The following CASD1 variants were observed in gnomAD, a reference collection of about 807,000 sequenced individuals.
CASD1 encodes CAS1 domain sialic acid O acetyltransferase 1.
Under a neutral mutation model 100.0 loss-of-function variants are expected in CASD1, and 41 were observed. That is an observed-to-expected ratio of 0.41 (90% confidence interval 0.32 to 0.53). The LOEUF (loss-of-function observed/expected upper bound fraction) is 0.53, where lower values mean the gene tolerates loss of function less well. Among genes scored for constraint, CASD1 ranks in the 20% least tolerant of loss-of-function variants. The pLI is 0.25. For synonymous variants in CASD1, 321 were observed against 315.6 expected (o/e 1.02, Z -0.18); for missense variants, 774 against 948.7 (o/e 0.82, Z 2.42).
intron 1 of CASD1, among the ~76,000 whole-genome samples, chr7:94,515,984 GA>G (rs947169934): frequency 6.6e-6 from 1 of 151,982 alleles, no homozygotes; most frequent in Non-Finnish European, 1.5e-5. Flanking sequence ...GCTATTTGTA[GA>G]AAAATAACTT....
chr7:94,547,206 T>C (rs1795722937), intron 13 of CASD1, 31 bp downstream of exon 13: 2 of 1,459,418 alleles, frequency 1.4e-6, no homozygotes, highest in East Asian at 4.6e-5. Flanking sequence ...TTATATTTTT[T>C]CATATTTTAT....
chr7:94,561,572 C>T (rs1796340346), downstream of CASD1, among the ~76,000 whole-genome samples: 1 of 151,988 alleles, frequency 6.6e-6, no homozygotes, highest in Non-Finnish European at 1.5e-5. Flanking sequence ...CCTAAATGGC[C>T]CATCTGTCTG....
At chr7:94,564,579 G>A in the CASD1 span, among the ~76,000 whole-genome samples, 17,278 of 152,138 alleles carry the variant, frequency 0.11, 1,238 homozygotes, top group South Asian at 0.25. Flanking sequence ...ATACATTCAG[G>A]AAATGACTGC....
the CASD1 span, among the ~76,000 whole-genome samples, chr7:94,601,958 A>C: frequency 3.9e-5 from 6 of 152,152 alleles, no homozygotes; most frequent in Non-Finnish European, 7.3e-5. Context: ...GCATAAAAAT[A>C]AATACATGTA....
chr7:94,623,574 G>A, the CASD1 span: 1 of 587,312 alleles, frequency 1.7e-6, no homozygotes, highest in Non-Finnish European at 3.0e-6. Context: ...AATATTATGG[G>A]AAAATAAATA....
intron 1 of CASD1, among the ~76,000 whole-genome samples, chr7:94,511,295 C>A (rs532686745): frequency 1.3e-5 from 2 of 152,224 alleles, no homozygotes; most frequent in South Asian, 4.1e-4. Flanking sequence ...TAAATTTACA[C>A]CTACTTTGGC....
At chr7:94,604,022 T>C in the CASD1 span, among the ~76,000 whole-genome samples, 1 of 152,148 alleles carries the variant, frequency 6.6e-6, no homozygotes. Context: ...GGCCTTGCAA[T>C]CTTTTATCTA....
chr7:94,517,010 T>G (rs1240943514), intron 1 of CASD1, among the ~76,000 whole-genome samples: 1 of 151,988 alleles, frequency 6.6e-6, no homozygotes, highest in Non-Finnish European at 1.5e-5. Context: ...TTAAAGCAAT[T>G]CTCATGTCTT....
At chr7:94,578,973 C>T in the CASD1 span, among the ~76,000 whole-genome samples, 1 of 152,086 alleles carries the variant, frequency 6.6e-6, no homozygotes, top group African/African-American at 2.4e-5. Flanking sequence ...TTCTCTATTA[C>T]AACACTTTTT....
intron 11 of CASD1, among the ~76,000 whole-genome samples, chr7:94,545,260 T>G (rs1005686158): frequency 6.6e-6 from 1 of 152,100 alleles, no homozygotes; most frequent in Non-Finnish European, 1.5e-5. Flanking sequence ...GAAGGACGAC[T>G]TTTTTCTCTT....
chr7:94,515,879 G>A, intron 1 of CASD1, among the ~76,000 whole-genome samples: 1 of 152,038 alleles, frequency 6.6e-6, no homozygotes, highest in Non-Finnish European at 1.5e-5. Context: ...AAAGAGAAAT[G>A]CTATAAATAT....
rs781703184 is a variant in CASD1 at position 94,533,709 on chromosome 7, G to A, written c.535G>A (p.Glu179Lys). ...WSIKIHNGSS[E>K]ALSQYKMNIT... is the part of the protein sequence containing the mutation. ...CATCAAGATTCACAATGGTAGCAGT[G>A]AAGCGCTTTCTCAATATAAAATGAA... Residue 179 changes from glutamate (E) to lysine (K), a missense_variant, in exon 7 of 18, where the codon GAA becomes AAA. By Grantham distance (56) the Glu-to-Lys change is moderately conservative. This residue lies in a region of CASD1 where 453 missense variants were observed against 532.6 expected (regional missense o/e 0.85). Coordinates refer to ENST00000297273, the MANE Select transcript of CASD1 (RefSeq NM_022900.5). 6.2e-7 allele frequency: 1 copy of A among 1,604,266 alleles called. No homozygotes were observed. Among genetic ancestry groups the A allele is most frequent in the Non-Finnish European group, 8.5e-7 (1 of 1,175,412 alleles).
intron 1 of CASD1, 79 bp from the exon 2 acceptor site, chr7:94,517,481 G>A (rs1281354596): frequency 1.2e-6 from 1 of 816,668 alleles, no homozygotes; most frequent in East Asian, 2.5e-5. Flanking sequence ...TTATTTCAAG[G>A]AACTTATATA....
chr7:94,586,838 A>G, the CASD1 span: 1 of 985,026 alleles, frequency 1.0e-6, no homozygotes, highest in African/African-American at 1.7e-5. Context: ...GCACAAACAC[A>G]CCAATCTTGC....
the CASD1 span, chr7:94,622,025 T>G: frequency 7.6e-6 from 1 of 132,160 alleles, no homozygotes; most frequent in African/African-American, 3.1e-5. Context: ...TAAGGGGGTT[T>G]AAGTGTTCAA....
At chr7:94,599,117 A>T in the CASD1 span, 1 of 598,634 alleles carries the variant, frequency 1.7e-6, no homozygotes, top group Non-Finnish European at 2.9e-6. Flanking sequence ...AGAAAGGCAT[A>T]CATCTCACAT....
chr7:94,555,836 G>A lies in CASD1; in HGVS notation c.*78G>A. On this transcript the variant is annotated 3_prime_UTR_variant, in exon 18 of 18. Transcript: ENST00000297273. ...TAGAAGAGAAAAGCATCTATCTGGA[G>A]ATATAAATGTGTATGTAAATATAAA... 1 of 1,381,466 alleles carries A rather than the reference G, an allele frequency of 7.2e-7. No homozygotes were observed. Among genetic ancestry groups the A allele is most frequent in the Non-Finnish European group, 9.8e-7 (1 of 1,017,782 alleles). The allele number at this position is 1,381,466 out of a possible 1,614,324, so 85.6% of individuals were successfully genotyped here.
the CASD1 span, chr7:94,624,948 G>A: frequency 1.3e-5 from 2 of 151,906 alleles, no homozygotes; most frequent in African/African-American, 4.8e-5. Context: ...TTTATTACCT[G>A]ATTTTATAGT....
chr7:94,539,020 T>G lies in CASD1; in HGVS notation c.1320T>G (p.Leu440=). ...QTDEWKGWMQ[L]VILIYHISGA... is the part of the protein sequence containing the mutation. ...ACGAATGGAAAGGCTGGATGCAACTTGTGATTTTGATTTATCACATTTCTG... is the reference window on the plus strand; with the variant it reads ...ACGAATGGAAAGGCTGGATGCAACTGGTGATTTTGATTTATCACATTTCTG... Residue 440 remains leucine (L), a synonymous_variant, in exon 10 of 18, where the codon CTT becomes CTG. Coordinates refer to ENST00000297273, the MANE Select transcript of CASD1 (RefSeq NM_022900.5). 1 of 1,610,486 alleles carries G rather than the reference T, an allele frequency of 6.2e-7. No individual in the cohort carries two copies. The highest frequency in any genetic ancestry group is 8.5e-7 in the Non-Finnish European group (1 of 1,177,146).
Sources: allele counts gnomAD v4.1 joint callset (sites outside exome capture counted in the v4.1 genomes callset), GRCh38; gene constraint gnomAD v4.1.1; regional missense constraint gnomAD v4.1.1; transcripts MANE v1.5; gene names NCBI Gene and HGNC (gene_info 2026-07-23, HGNC 2026-07-21).